The following TMPRSS15 variants were observed in gnomAD, a reference collection of about 807,000 sequenced individuals.
The protein encoded by TMPRSS15 is enteropeptidase.
In TMPRSS15, 128 loss-of-function variants were observed where a neutral mutation model predicts 125.3. That is an observed-to-expected ratio of 1.02 (90% CI 0.89 to 1.18). The LOEUF is 1.18. Ranked by LOEUF, TMPRSS15 falls within the 50% of genes most tolerant of loss-of-function variation. The pLI, the probability that TMPRSS15 is intolerant of heterozygous loss-of-function variation, is 0.00. For missense variants in TMPRSS15, 1,283 were observed against 1,212.7 expected (o/e 1.06, Z -0.86); for synonymous variants, 446 against 423.2 (o/e 1.05, Z -0.66).
chr21:18,343,807 A>G (rs1052828634), intron 11 of TMPRSS15, 148 bp downstream of exon 11: 8 of 1,134,612 alleles, frequency 7.1e-6, no homozygotes, highest in South Asian at 2.6e-5. Flanking sequence ...GTGTCTATCA[A>G]TGTTTTATTG....
chr21:18,334,900 T>C (rs1262131215), intron 13 of TMPRSS15, among the ~76,000 whole-genome samples: 2 of 152,118 alleles, frequency 1.3e-5, no homozygotes, highest in African/African-American at 4.8e-5. Flanking sequence ...GGGCAGTGGA[T>C]GAAAGCACTG....
At chr21:18,317,768 CCA>C in intron 16 of TMPRSS15, among the ~76,000 whole-genome samples, 1 of 94,890 alleles carries the variant, frequency 1.1e-5, no homozygotes, top group Non-Finnish European at 2.2e-5. Context: ...CCATCCCATC[CCA>C]TCCCATCCCA....
chr21:18,412,532 C>A (rs1324413752), intron 1 of TMPRSS15, among the ~76,000 whole-genome samples: 1 of 152,166 alleles, frequency 6.6e-6, no homozygotes, highest in Non-Finnish European at 1.5e-5. Context: ...CTGACTATGT[C>A]TTTTTAGCCA....
intron 3 of TMPRSS15, 39 bp from the exon 4 acceptor site, chr21:18,383,817 C>T (rs1312075562): frequency 6.2e-7 from 1 of 1,601,980 alleles, no homozygotes; most frequent in Non-Finnish European, 8.5e-7. Context: ...AAAAGTCAGC[C>T]ATCTTCCACT....
intron 23 of TMPRSS15, among the ~76,000 whole-genome samples, chr21:18,275,957 C>T (rs1406298405): frequency 2.0e-5 from 3 of 152,170 alleles, no homozygotes; most frequent in African/African-American, 7.2e-5. Flanking sequence ...GTACGAATCT[C>T]TGCTGAAATA....
intron 4 of TMPRSS15, among the ~76,000 whole-genome samples, chr21:18,381,509 C>T (rs930147681): frequency 1.3e-5 from 2 of 151,902 alleles, no homozygotes; most frequent in Admixed American, 1.3e-4. Context: ...AACTTGGTAC[C>T]GTGTTTATAA....
intron 10 of TMPRSS15, among the ~76,000 whole-genome samples, chr21:18,351,810 A>G (rs1213984115): frequency 6.6e-6 from 1 of 152,202 alleles, no homozygotes; most frequent in Non-Finnish European, 1.5e-5. Flanking sequence ...AAAGAAACAA[A>G]TAAGTGAGTA....
chr21:18,338,890 C>T (rs2075420065), intron 13 of TMPRSS15, among the ~76,000 whole-genome samples: 1 of 152,082 alleles, frequency 6.6e-6, no homozygotes, highest in Admixed American at 6.6e-5. Context: ...AATTTTATGA[C>T]CAATATTATT....
chr21:18,324,921 T>C (rs527867185), intron 16 of TMPRSS15, among the ~76,000 whole-genome samples: 3 of 152,244 alleles, frequency 2.0e-5, no homozygotes, highest in South Asian at 4.1e-4. Context: ...GATAAAATAA[T>C]TGGCAAACAA....
At chr21:18,378,873 G>A (rs1266324907) in intron 5 of TMPRSS15, among the ~76,000 whole-genome samples, 1 of 152,052 alleles carries the variant, frequency 6.6e-6, no homozygotes, top group Non-Finnish European at 1.5e-5. Flanking sequence ...CTTTGGTTCT[G>A]CTTTGGCCAC....
intron 22 of TMPRSS15, among the ~76,000 whole-genome samples, chr21:18,280,575 C>G (rs77438870): frequency 2.1e-5 from 1 of 48,372 alleles, no homozygotes; most frequent in Admixed American, 2.1e-4. Flanking sequence ...GACTCCGTCT[C>G]AAAAAAAAAA....
intron 21 of TMPRSS15, among the ~76,000 whole-genome samples, chr21:18,285,002 A>C (rs914382567): frequency 3.1e-3 from 47 of 15,338 alleles, no homozygotes; most frequent in Middle Eastern, 0.026. Context: ...ACTCTGCCCA[A>C]AAAAAAAAAA....
At chr21:18,404,188 A>G (rs776856429), upstream of TMPRSS15, among the ~76,000 whole-genome samples, 2 of 152,236 alleles carry the variant, frequency 1.3e-5, no homozygotes, top group Non-Finnish European at 2.9e-5. Flanking sequence ...ATACATATAC[A>G]TGTATTCCTT....
chr21:18,476,492 A>G (rs1342777244), intron 1 of TMPRSS15, among the ~76,000 whole-genome samples: 1 of 152,184 alleles, frequency 6.6e-6, no homozygotes, highest in African/African-American at 2.4e-5. Flanking sequence ...TTAACAGGAG[A>G]AATAAAAAAT....
intron 23 of TMPRSS15, among the ~76,000 whole-genome samples, chr21:18,276,972 G>C (rs1601252869): frequency 6.6e-6 from 1 of 151,716 alleles, no homozygotes; most frequent in African/African-American, 2.4e-5. Flanking sequence ...CACCATGTTG[G>C]CCAGGCTGGT....
chr21:18,470,155 C>T (rs978421), intron 1 of TMPRSS15, among the ~76,000 whole-genome samples: 89,105 of 151,760 alleles, frequency 0.59, 27,311 homozygotes, highest in East Asian at 0.92. Flanking sequence ...ATAGCCTTTG[C>T]TCTCTTTTAA....
chr21:18,310,938 T>C (rs1308429639), intron 18 of TMPRSS15, among the ~76,000 whole-genome samples: 129 of 139,982 alleles, frequency 9.2e-4, no homozygotes, highest in Admixed American at 1.8e-3. Flanking sequence ...TGATTCTTTT[T>C]TTTTTTTTTT....
chr21:18,291,573 T>G (rs1846890099), intron 21 of TMPRSS15, among the ~76,000 whole-genome samples: 1 of 152,218 alleles, frequency 6.6e-6, no homozygotes. Flanking sequence ...TGATCTGAGT[T>G]ATTCTTTTTA....
intron 3 of TMPRSS15, among the ~76,000 whole-genome samples, chr21:18,391,245 A>G (rs2075987682): frequency 1.3e-5 from 2 of 152,326 alleles, no homozygotes; most frequent in African/African-American, 4.8e-5. Context: ...TTCAGCATTA[A>G]TTCAAAAGTC....
Sources: gnomAD v4.1 joint callset for allele counts (sites outside exome capture counted in the v4.1 genomes callset) on GRCh38, gnomAD v4.1.1 for gene constraint, MANE v1.5 for transcripts, NCBI Gene and HGNC (gene_info 2026-07-23, HGNC 2026-07-21) for gene names.